The following INPP4B variants were observed in gnomAD, a reference collection of about 807,000 sequenced individuals.
INPP4B encodes the protein inositol polyphosphate 4-phosphatase type II.
INPP4B carries 55 observed loss-of-function variants against 122.5 expected under a neutral mutation model. The observed-to-expected ratio is 0.45, with a 90% confidence interval of 0.36 to 0.56. The LOEUF (loss-of-function observed/expected upper bound fraction) is 0.56, where lower values mean the gene tolerates loss of function less well. Ranked by LOEUF, INPP4B falls within the 20% of genes least tolerant of loss-of-function variation. The pLI, the probability that INPP4B is intolerant of heterozygous loss-of-function variation, is 0.00. For missense variants in INPP4B, 1,000 were observed against 1,097.7 expected, an observed-to-expected ratio of 0.91 and a Z score of 1.26; for synonymous variants, 403 against 388.7, an observed-to-expected ratio of 1.04 and a Z score of -0.43.
chr4:142,473,757 A>T (rs1180115166), intron 2 of INPP4B, among the ~76,000 whole-genome samples: 7 of 152,160 alleles, frequency 4.6e-5, no homozygotes, highest in Non-Finnish European at 8.8e-5. Flanking sequence ...CCCAGACAGC[A>T]GGGCTGGTGA....
intron 7 of INPP4B, among the ~76,000 whole-genome samples, chr4:142,323,309 G>A (rs982282369): frequency 6.6e-6 from 1 of 152,134 alleles, no homozygotes; most frequent in Non-Finnish European, 1.5e-5. Context: ...ATTCATTTAT[G>A]TGTACATTAA....
At chr4:142,085,828 G>GC in intron 24 of INPP4B, among the ~76,000 whole-genome samples, 1 of 152,184 alleles carries the variant, frequency 6.6e-6, no homozygotes, top group Non-Finnish European at 1.5e-5. Context: ...TCAAAATCCT[G>GC]GGTGATACGG....
chr4:142,099,155 A>T (rs967745742), intron 23 of INPP4B, among the ~76,000 whole-genome samples: 4 of 152,120 alleles, frequency 2.6e-5, no homozygotes, highest in African/African-American at 9.7e-5. Context: ...TGGATAAAAG[A>T]CTTACTGGAA....
chr4:142,072,538 GACTTT>G (rs1768101925), intron 25 of INPP4B, among the ~76,000 whole-genome samples: 1 of 145,612 alleles, frequency 6.9e-6, no homozygotes, highest in Admixed American at 6.8e-5. Context: ...TAGTGGAAAT[GACTTT>G]TTTTTTTTTT....
chr4:142,173,902 G>C (rs1452708346), intron 15 of INPP4B, 93 bp from the exon 16 acceptor site: 7 of 980,756 alleles, frequency 7.1e-6, no homozygotes, highest in Non-Finnish European at 1.1e-5. Context: ...AGAACTCCAA[G>C]TATCACTCTT....
chr4:142,152,821 G>T (rs1242554560), intron 17 of INPP4B, among the ~76,000 whole-genome samples: 1 of 152,106 alleles, frequency 6.6e-6, no homozygotes, highest in Non-Finnish European at 1.5e-5. Context: ...CAATACCTCT[G>T]CTCATTTTAT....
chr4:142,706,950 C>T (rs1350679377), intron 2 of INPP4B, among the ~76,000 whole-genome samples: 1 of 152,186 alleles, frequency 6.6e-6, no homozygotes. Context: ...AGGAAACAAA[C>T]AAAACAAATC....
intron 12 of INPP4B, among the ~76,000 whole-genome samples, chr4:142,233,287 G>A (rs752766300): frequency 3.5e-4 from 53 of 152,030 alleles, no homozygotes; most frequent in South Asian, 1.0e-3. Flanking sequence ...GACACAGTTT[G>A]TATCTGCTAC....
At chr4:142,302,401 CTT>C (rs1202710764) in intron 9 of INPP4B, among the ~76,000 whole-genome samples, 3 of 152,118 alleles carry the variant, frequency 2.0e-5, no homozygotes, top group Non-Finnish European at 2.9e-5. Context: ...TCTGTTTTCT[CTT>C]TTGTTGAAAG....
At chr4:142,064,066 A>G (rs1762316489) in intron 25 of INPP4B, among the ~76,000 whole-genome samples, 2 of 152,194 alleles carry the variant, frequency 1.3e-5, no homozygotes, top group Admixed American at 1.3e-4. Context: ...ATGTCCCATG[A>G]TTTAGAATTA....
chr4:142,066,106 T>C (rs1054420299), intron 25 of INPP4B, among the ~76,000 whole-genome samples: 1 of 152,232 alleles, frequency 6.6e-6, no homozygotes, highest in Admixed American at 6.5e-5. Context: ...AATAGACTTA[T>C]TTCAACCCCA....
chr4:142,172,085 G>A (rs901386225), intron 16 of INPP4B, among the ~76,000 whole-genome samples: 11 of 151,474 alleles, frequency 7.3e-5, no homozygotes, highest in Non-Finnish European at 1.5e-5. Flanking sequence ...TTTTTCCCTA[G>A]TCAGAAAAAC....
At chr4:142,348,442 G>A (rs1780957269) in intron 7 of INPP4B, among the ~76,000 whole-genome samples, 1 of 151,904 alleles carries the variant, frequency 6.6e-6, no homozygotes, top group South Asian at 2.1e-4. Context: ...CTCAAATCAG[G>A]TTAATTACTG....
chr4:142,805,685 C>T (rs1264043522), intron 1 of INPP4B, among the ~76,000 whole-genome samples: 1 of 152,082 alleles, frequency 6.6e-6, no homozygotes, highest in Non-Finnish European at 1.5e-5. Flanking sequence ...TATATTTTCT[C>T]TTGTGATTTT....
chr4:142,100,707 A>G (rs1047633383), intron 23 of INPP4B, among the ~76,000 whole-genome samples: 9 of 152,106 alleles, frequency 5.9e-5, no homozygotes, highest in Admixed American at 1.3e-4. Flanking sequence ...CTCCTCCTCA[A>G]AGTTTACAGA....
intron 14 of INPP4B, among the ~76,000 whole-genome samples, chr4:142,199,408 A>G (rs1839754874): frequency 6.6e-6 from 1 of 152,004 alleles, no homozygotes; most frequent in Non-Finnish European, 1.5e-5. Context: ...TGTAATATGT[A>G]TATATATTCT....
chr4:142,301,590 A>C (rs1487017216), intron 9 of INPP4B, among the ~76,000 whole-genome samples: 1 of 152,216 alleles, frequency 6.6e-6, no homozygotes, highest in Non-Finnish European at 1.5e-5. Context: ...TACCTCACAT[A>C]TTCCTTGCAT....
At chr4:142,321,944 G>A (rs1473833061) in intron 7 of INPP4B, among the ~76,000 whole-genome samples, 1 of 152,084 alleles carries the variant, frequency 6.6e-6, no homozygotes, top group Non-Finnish European at 1.5e-5. Context: ...AAGCAACATA[G>A]CTAACATTAA....
chr4:142,042,524 A>G (rs4956431), intron 25 of INPP4B, among the ~76,000 whole-genome samples: 2,962 of 20,366 alleles, frequency 0.15, 88 homozygotes, highest in Middle Eastern at 0.21. Flanking sequence ...GTGTGTATGT[A>G]TGTATGTATG....
Sources: gnomAD v4.1 joint callset for allele counts (sites outside exome capture counted in the v4.1 genomes callset) on GRCh38, gnomAD v4.1.1 for gene constraint, MANE v1.5 for transcripts, NCBI Gene and HGNC (gene_info 2026-07-23, HGNC 2026-07-21) for gene names.